Variants in STAP2 observed in about 807,000 individuals in gnomAD.
STAP2 encodes the protein signal transducing adaptor family member 2.
In STAP2, 58 loss-of-function variants were observed where a neutral mutation model predicts 52.7. The observed-to-expected ratio is 1.10, with a 90% CI of 0.89 to 1.37. STAP2 has a LOEUF of 1.37. Among genes scored for constraint, STAP2 ranks in the 40% most tolerant of loss-of-function variants. STAP2 has a pLI of 0.00. For missense variants in STAP2, 522 were observed against 519.4 expected, an observed-to-expected ratio of 1.00 and a Z score of -0.05; for synonymous variants, 231 against 210.5, an observed-to-expected ratio of 1.10 and a Z score of -0.84.
chr19:4,338,732 G>A lies in STAP2; in HGVS notation c.22C>T (p.Pro8Ser), dbSNP rs1349794413. 3.7e-6 allele frequency: 6 copies of A among 1,613,418 alleles called. No homozygotes were observed. Among genetic ancestry groups the A allele is most frequent in the Non-Finnish European group, 4.2e-6 (5 of 1,179,714 alleles). Residue 8 changes from proline to serine, a missense_variant, in exon 1 of 13, where the codon CCC becomes TCC. Coordinates refer to ENST00000594605, the MANE Select transcript of STAP2 (RefSeq NM_001013841.2). Reference sequence around the variant, plus strand: ...ACACCCTTAGGCTTGGGGACACGGGGTGGCCTCAGGGCAGAGGCCATGACG... The same window carrying A: ...ACACCCTTAGGCTTGGGGACACGGGATGGCCTCAGGGCAGAGGCCATGACG... Reference protein sequence around the residue: MASALRPPRVPKPKGVLP... With the variant: MASALRPSRVPKPKGVLP...
chr19:4,331,805 T>G (rs547372465), intron 4 of STAP2, among the ~76,000 whole-genome samples: 3 of 149,228 alleles, frequency 2.0e-5, no homozygotes, highest in South Asian at 4.3e-4. Context: ...GGTGGCGGGC[T>G]TCTGTAATCC....
At chr19:4,325,917 C>T (rs888038424) in intron 9 of STAP2, among the ~76,000 whole-genome samples, 3 of 151,078 alleles carry the variant, frequency 2.0e-5, no homozygotes, top group Non-Finnish European at 2.9e-5. Flanking sequence ...TGCAGTGAGC[C>T]GAGATTGCGC....
At position 4,338,715 on chromosome 19, in the gene STAP2, A is replaced by C; in HGVS notation, c.39T>G (p.Pro13=). ...AGTAGTGTGAAGGCAGGACACCCTT[A>C]GGCTTGGGGACACGGGGTGGCCTCA... is the stretch of plus-strand genomic sequence containing the variant. ...SALRPPRVPK[P]KGVLPSHYYE... The change falls in exon 1 of 13, where the codon CCT becomes CCG. Residue 13 remains proline (P), a synonymous_variant. Transcript: ENST00000594605. 1 of 1,613,622 alleles carries C rather than the reference A, an allele frequency of 6.2e-7. No individual in the cohort carries two copies. The highest frequency in any genetic ancestry group is 1.1e-5 in the South Asian group (1 of 90,964).
At chr19:4,332,101 G>A in intron 3 of STAP2, 23 bp from the exon 4 acceptor site, 1 of 1,597,034 alleles carries the variant, frequency 6.3e-7, no homozygotes, top group Non-Finnish European at 8.5e-7. Context: ...AGAAAGGAAA[G>A]AATCCAAGTC....
chr19:4,332,000 C>T (rs1417695044), intron 4 of STAP2, 22 bp downstream of exon 4: 17 of 1,605,950 alleles, frequency 1.1e-5, no homozygotes, highest in Admixed American at 1.7e-5. Flanking sequence ...GGAGAGAGGG[C>T]GCAGAGAGCC....
At chr19:4,324,714 C>T (rs1455687666) in intron 11 of STAP2, 185 bp from the exon 12 acceptor site, 4 of 570,946 alleles carry the variant, frequency 7.0e-6, no homozygotes, top group Non-Finnish European at 1.2e-5. Flanking sequence ...TGCCTGTAAT[C>T]CCAGCTACTT....
In STAP2 at chr19:4,327,315, C is replaced by A. The variant is rs752792664; in HGVS notation, c.660+1G>T. ...TCTAGGGACTCTGGCCCAACGCTCA[C>A]CGGCTGTTCCACATCGATCACGTAC... On this transcript the variant is annotated splice_donor_variant, in intron 7 of 12. Transcript: ENST00000594605. LOFTEE classifies it high-confidence loss of function. 10 of 1,614,164 alleles carry A rather than the reference C, an allele frequency of 6.2e-6. No homozygotes were observed. Among genetic ancestry groups the A allele is most frequent in the Non-Finnish European group, 8.5e-6 (10 of 1,180,008 alleles).
intron 9 of STAP2, among the ~76,000 whole-genome samples, chr19:4,326,514 C>T (rs1971794711): frequency 6.6e-6 from 1 of 152,144 alleles, no homozygotes; most frequent in Admixed American, 6.5e-5. Context: ...TTCCCAACAC[C>T]CACCCGGATT....
intron 2 of STAP2, 48 bp downstream of exon 2, chr19:4,333,925 C>A: frequency 6.2e-7 from 1 of 1,610,974 alleles, no homozygotes; most frequent in South Asian, 1.1e-5. Context: ...TGCTTGGTCT[C>A]TGGGCTCAAG....
intron 6 of STAP2, 82 bp from the exon 7 acceptor site, chr19:4,327,467 C>T: frequency 6.8e-7 from 1 of 1,475,758 alleles, no homozygotes; most frequent in South Asian, 1.2e-5. Context: ...CAACTCCAGG[C>T]TCCGCCTCCA....
intron 1 of STAP2, 134 bp downstream of exon 1, chr19:4,338,518 T>C: frequency 1.3e-6 from 1 of 783,654 alleles, no homozygotes; most frequent in Non-Finnish European, 1.9e-6. Context: ...CCCACCCCAG[T>C]CCCCCAGCAC....
chr19:4,331,982 G>C, intron 4 of STAP2, 40 bp downstream of exon 4: 1 of 1,585,612 alleles, frequency 6.3e-7, no homozygotes, highest in Non-Finnish European at 8.6e-7. Context: ...GAGGAGATCT[G>C]GAGAATGGGA....
At chr19:4,326,797 G>A in intron 9 of STAP2, 145 bp downstream of exon 9, 8 of 1,057,220 alleles carry the variant, frequency 7.6e-6, no homozygotes, top group Non-Finnish European at 1.1e-5. Context: ...CACACACCCT[G>A]ACGGCAGGGT....
intron 4 of STAP2, among the ~76,000 whole-genome samples, chr19:4,330,517 C>G (rs867236163): frequency 7.4e-5 from 11 of 148,052 alleles, no homozygotes; most frequent in African/African-American, 7.5e-5. Context: ...AGTGAGACTC[C>G]GTTCCCCGCT....
In STAP2 at chr19:4,333,451, G is replaced by A. The variant is rs543142157; in HGVS notation, c.297+243C>T. On this transcript the variant is annotated intron_variant, in intron 3 of 12. Coordinates refer to ENST00000594605, the MANE Select transcript of STAP2 (RefSeq NM_001013841.2). ...GTGGAGGTTGCAGTGAGCCAAGATC[G>A]TGCCATTGCACTCCAGCCTGGGTGA... Among the ~76,000 whole-genome samples, 5 of 152,144 alleles carry A rather than the reference G, an allele frequency of 3.3e-5. No homozygotes were observed. The South Asian group carries it at 8.3e-4, about 25-fold the overall frequency.
chr19:4,333,832 C>T lies in STAP2; in HGVS notation c.175-16G>A. 1 of 1,613,826 alleles carries T rather than the reference C, an allele frequency of 6.2e-7. No individual in the cohort carries two copies. Among genetic ancestry groups the T allele is most frequent in the Non-Finnish European group, 8.5e-7 (1 of 1,179,910 alleles). ...TCTCCACGTGCTGGGGGCATAGAAG[C>T]AGGGGATCTGGGCACCAGTTCCTTG... On this transcript the variant is annotated splice_polypyrimidine_tract_variant and intron_variant, in intron 2 of 12. Transcript: ENST00000594605.
Position 4,325,302 on chromosome 19 carries a change from G to A in STAP2, c.986C>T (p.Ser329Phe), listed in dbSNP as rs747377595. 6.2e-6 allele frequency: 10 copies of A among 1,614,092 alleles called. No homozygotes were observed. The African/African-American group carries it at 1.3e-4, about 22-fold the overall frequency. ...AVDYENQDVA[S>F]SSWPVILKPK... ...CTTCAGGATGACTGGCCAACTAGAG[G>A]AAGCCACTGCGTGGACAAAAGTGTA... is the stretch of plus-strand genomic sequence containing the variant. Residue 329 changes from serine to phenylalanine, a missense_variant, in exon 11 of 13, where the codon TCC becomes TTC. Ser to Phe is a radical substitution (Grantham distance 155). Coordinates refer to ENST00000594605, the MANE Select transcript of STAP2 (RefSeq NM_001013841.2).
rs1240980092 is a variant in STAP2 at position 4,338,823 on chromosome 19, A to T, written c.-70T>A. ...CCCCAGCTGGGCCGGGAAGCTGAGA[A>T]ACAGGTTTCAGGGGAGTTTCCTGTG... On this transcript the variant is annotated 5_prime_UTR_variant, in exon 1 of 13. Transcript: ENST00000594605. 1.3e-6 allele frequency: 2 copies of T among 1,553,648 alleles called. No homozygotes were observed. Among genetic ancestry groups the T allele is most frequent in the South Asian group, 1.2e-5 (1 of 84,634 alleles).
chr19:4,329,790 C>G (rs1214510596), intron 5 of STAP2, among the ~76,000 whole-genome samples, 171 bp downstream of exon 5: 1 of 145,870 alleles, frequency 6.9e-6, no homozygotes, highest in Non-Finnish European at 1.5e-5. Context: ...GCCCTGCCTC[C>G]CCAGCATGGG....
Sources: gnomAD v4.1 joint callset for allele counts (sites outside exome capture counted in the v4.1 genomes callset) on GRCh38, gnomAD v4.1.1 for gene constraint, MANE v1.5 for transcripts, NCBI Gene and HGNC (gene_info 2026-07-23, HGNC 2026-07-21) for gene names.